COL27A1: variants seen among roughly 807,000 people sequenced by gnomAD.
COL27A1 encodes collagen alpha-1(XXVII) chain.
Under a neutral mutation model 251.3 loss-of-function variants are expected in COL27A1, and 106 were observed. The observed-to-expected ratio is 0.42, with a 90% CI of 0.36 to 0.50. The LOEUF is 0.50. Ranked by LOEUF, COL27A1 falls within the 20% of genes least tolerant of loss-of-function variation. The pLI is 0.00. For missense variants in COL27A1, 2,325 were observed against 2,522.8 expected (o/e 0.92, Z 1.68); for synonymous variants, 1,000 against 986.3 (o/e 1.01, Z -0.26).
chr9:114,156,734 C>A (rs1296861268), intron 1 of COL27A1, among the ~76,000 whole-genome samples: 1 of 152,140 alleles, frequency 6.6e-6, no homozygotes, highest in African/African-American at 2.4e-5. Context: ...CAGGGACTCT[C>A]CCAGGAGCGG....
upstream of COL27A1, among the ~76,000 whole-genome samples, chr9:114,154,649 T>C (rs1185479599): frequency 2.0e-5 from 3 of 151,462 alleles, no homozygotes; most frequent in Admixed American, 1.3e-4. The surrounding 1 kb of genome is among the most constrained non-coding windows in gnomAD (Gnocchi z 5.8). Flanking sequence ...GTGTAGAGTA[T>C]CAGCGTGCGC....
chr9:114,238,038 C>T (rs1189316736), intron 19 of COL27A1, among the ~76,000 whole-genome samples: 1 of 152,218 alleles, frequency 6.6e-6, no homozygotes, highest in Non-Finnish European at 1.5e-5. Context: ...TTCCCACATT[C>T]TCCACTCAGA....
intron 33 of COL27A1, among the ~76,000 whole-genome samples, chr9:114,267,144 T>A (rs1385159130): frequency 6.6e-6 from 1 of 152,212 alleles, no homozygotes; most frequent in Non-Finnish European, 1.5e-5. Flanking sequence ...AGAGAAGGGT[T>A]AGAATCACTT....
chr9:114,283,166 G>A (rs188668665), intron 39 of COL27A1, among the ~76,000 whole-genome samples: 4 of 152,292 alleles, frequency 2.6e-5, no homozygotes, highest in Admixed American at 2.0e-4. Flanking sequence ...CAGTTTCTGC[G>A]GTGTAAATGC....
chr9:114,172,946 C>A (rs1489678077), intron 3 of COL27A1, among the ~76,000 whole-genome samples: 3 of 152,226 alleles, frequency 2.0e-5, no homozygotes, highest in Non-Finnish European at 4.4e-5. Flanking sequence ...ACTGTGGGAC[C>A]TTTCAGTGTT....
chr9:114,309,211 G>C, intron 59 of COL27A1, 49 bp from the exon 60 acceptor site: 3 of 1,534,380 alleles, frequency 2.0e-6, no homozygotes, highest in Non-Finnish European at 2.7e-6. Context: ...CTCGGTGTGG[G>C]GGGTGTGGGG....
intron 2 of COL27A1, among the ~76,000 whole-genome samples, chr9:114,165,811 C>G (rs1220656591): frequency 6.7e-6 from 1 of 148,872 alleles, no homozygotes; most frequent in Admixed American, 6.8e-5. Context: ...ATCCATCCAG[C>G]CAGCCAGGCA....
chr9:114,213,848 C>G (rs1830527231), intron 12 of COL27A1, among the ~76,000 whole-genome samples: 1 of 152,186 alleles, frequency 6.6e-6, no homozygotes, highest in African/African-American at 2.4e-5. Context: ...TGTCTGCTTC[C>G]TTGCTTCTTG....
At chr9:114,278,669 G>A (rs1187259974) in intron 37 of COL27A1, among the ~76,000 whole-genome samples, 1 of 150,884 alleles carries the variant, frequency 6.6e-6, no homozygotes, top group Non-Finnish European at 1.5e-5. Flanking sequence ...GATGATAGTA[G>A]TGGTGTGGTG....
At chr9:114,194,536 T>A in intron 6 of COL27A1, 79 bp downstream of exon 6, 1 of 1,275,266 alleles carries the variant, frequency 7.8e-7, no homozygotes, top group Non-Finnish European at 1.1e-6. Flanking sequence ...AAGCTAGCTG[T>A]CCTGCCAGAG....
Position 114,301,145 on chromosome 9 carries a change from A to G in COL27A1, c.4755+20A>G. On this transcript the variant is annotated intron_variant, in intron 52 of 60. Coordinates refer to ENST00000356083, the MANE Select transcript of COL27A1 (RefSeq NM_032888.4). The stretch of plus-strand genomic sequence containing the variant: ...CTCCCGGTATGTGTGGGGATTGGAC[A>G]GGAAGACTCCGGGGTCCCCTTGCCT... 6.2e-7 allele frequency: 1 copy of G among 1,613,808 alleles called. No individual in the cohort carries two copies. Among genetic ancestry groups the G allele is most frequent in the South Asian group, 1.1e-5 (1 of 91,002 alleles).
In COL27A1 at chr9:114,169,536, C is replaced by T; in HGVS notation, c.1908+73C>T. The T allele has an allele frequency of 4.8e-6, 6 of 1,257,968 alleles. No individual in the cohort carries two copies. The South Asian group carries it at 9.3e-5, about 20-fold the overall frequency. The allele number at this position is 1,257,968 out of a possible 1,614,324, so 77.9% of individuals were successfully genotyped here. A position where few individuals can be genotyped will look rare whatever the true frequency, so the allele number is the denominator to read the frequency against. On this transcript the variant is annotated intron_variant, in intron 3 of 60. Transcript: ENST00000356083. ...CTGGGGCATTGGTCAAGTGGTTGCC[C>T]CTAGTAAAGACAGGAAAAGGAGCAG...
At chr9:114,159,857 A>G (rs1021860208) in intron 1 of COL27A1, among the ~76,000 whole-genome samples, 1 of 152,218 alleles carries the variant, frequency 6.6e-6, no homozygotes, top group Non-Finnish European at 1.5e-5. Context: ...AATTAAACAA[A>G]GCTGCCTTTT....
intron 40 of COL27A1, 34 bp from the exon 41 acceptor site, chr9:114,284,690 C>T: frequency 6.2e-7 from 1 of 1,611,768 alleles, no homozygotes; most frequent in East Asian, 2.2e-5. Flanking sequence ...CCTGAGTCCT[C>T]ATTCTCACTT....
intron 12 of COL27A1, among the ~76,000 whole-genome samples, chr9:114,215,764 T>C (rs1327382449): frequency 1.3e-5 from 2 of 152,160 alleles, no homozygotes; most frequent in Non-Finnish European, 2.9e-5. Context: ...GGTTATTAAA[T>C]ATTCCCACTC....
chr9:114,169,500 C>T (rs1849160662), intron 3 of COL27A1, 37 bp downstream of exon 3: 1 of 1,457,382 alleles, frequency 6.9e-7, no homozygotes, highest in Non-Finnish European at 9.2e-7. Context: ...GCTTGGAGCT[C>T]CAGTGGGGGA....
In COL27A1 at chr9:114,283,743, C is replaced by A; in HGVS notation, c.3914C>A (p.Pro1305Gln). The change falls in exon 40 of 61, where the codon CCG becomes CAG. Residue 1305 changes from proline to glutamine, a missense_variant. Physicochemically the swap from Pro to Gln is moderately conservative, Grantham distance 76 (BLOSUM62 -1). This residue lies in a region of COL27A1 where 662 missense variants were observed against 795.3 expected (regional missense o/e 0.83). Transcript: ENST00000356083. ...GGACGCATGGGGGCCCAAGGAGAAC[C>A]GGGACTGGCTGGTTATGATGTAAGC... is the stretch of plus-strand genomic sequence containing the variant. ...APGRMGAQGE[P>Q]GLAGYDGHKG... is the part of the protein sequence containing the mutation. 1.2e-6 allele frequency: 2 copies of A among 1,614,068 alleles called. No homozygotes were observed. Among genetic ancestry groups the A allele is most frequent in the Non-Finnish European group, 1.7e-6 (2 of 1,180,006 alleles).
chr9:114,228,012 G>A (rs2306954), intron 14 of COL27A1, among the ~76,000 whole-genome samples: 15,641 of 152,136 alleles, frequency 0.1, 1,013 homozygotes, highest in African/African-American at 0.19. Context: ...CACCTTCTCC[G>A]GGTGTGGCCT....
At chr9:114,229,543 G>A (rs1231120340) in intron 14 of COL27A1, among the ~76,000 whole-genome samples, 1 of 152,144 alleles carries the variant, frequency 6.6e-6, no homozygotes, top group East Asian at 1.9e-4. Context: ...CAATGCTTCA[G>A]AGCTGTGCCC....
Sources: allele counts gnomAD v4.1 joint callset (sites outside exome capture counted in the v4.1 genomes callset), GRCh38; gene constraint gnomAD v4.1.1; regional missense constraint gnomAD v4.1.1; non-coding constraint Gnocchi (gnomAD v3.1); transcripts MANE v1.5; gene names NCBI Gene and HGNC (gene_info 2026-07-23, HGNC 2026-07-21).